Variants in SLC4A1AP observed in about 807,000 individuals in gnomAD.
SLC4A1AP encodes the protein solute carrier family 4 member 1 adaptor protein, also known as kanadaptin.
In SLC4A1AP, 64 loss-of-function variants were observed where a neutral mutation model predicts 89.7. The ratio of observed to expected loss-of-function variants is 0.71; its 90% confidence interval spans 0.58 to 0.88. SLC4A1AP has a LOEUF of 0.88. Ranked by LOEUF, SLC4A1AP falls within the 40% of genes least tolerant of loss-of-function variation. The probability of loss-of-function intolerance (pLI) is 0.00; values close to 1 mark genes in which losing one functional copy is unlikely to be tolerated. For missense variants in SLC4A1AP, 931 were observed against 965.0 expected, an observed-to-expected ratio of 0.96 and a Z score of 0.47; for synonymous variants, 366 against 353.3, an observed-to-expected ratio of 1.04 and a Z score of -0.40.
exon 2 of SLC4A1AP, chr2:27,665,232 A>T (rs761222290): frequency 3.5e-5 from 57 of 1,613,194 alleles, no homozygotes; most frequent in Non-Finnish European, 4.7e-5. Context: ...GGAAATGGAT[A>T]CCTCTGAAAG....
intron 9 of SLC4A1AP, 67 bp downstream of exon 9, chr2:27,682,426 T>A: frequency 1.0e-6 from 1 of 995,808 alleles, no homozygotes; most frequent in Non-Finnish European, 1.5e-6. Flanking sequence ...TTTTCTCTTT[T>A]CTTTTTTGAA....
At chr2:27,693,714 T>C in exon 13 of SLC4A1AP, 1 of 1,611,966 alleles carries the variant, frequency 6.2e-7, no homozygotes, top group South Asian at 1.1e-5. Flanking sequence ...CCAAATATCC[T>C]GAAGATGACC....
chr2:27,689,742 A>G (rs575292305), intron 12 of SLC4A1AP, among the ~76,000 whole-genome samples: 1 of 152,332 alleles, frequency 6.6e-6, no homozygotes, highest in East Asian at 1.9e-4. Flanking sequence ...TTTAGGCACA[A>G]TGAGCCATTC....
chr2:27,686,230 G>A (rs1330359642), intron 10 of SLC4A1AP, among the ~76,000 whole-genome samples: 4 of 152,144 alleles, frequency 2.6e-5, no homozygotes. Context: ...ATTTGTCTGG[G>A]AAACAGAAAA....
chr2:27,680,626 CA>C (rs2148136765), intron 8 of SLC4A1AP, among the ~76,000 whole-genome samples: 1 of 151,904 alleles, frequency 6.6e-6, no homozygotes, highest in African/African-American at 2.4e-5. Context: ...CCTGTCTCTA[CA>C]AAAGATAAAA....
At chr2:27,670,584 C>T (rs1295535464) in intron 5 of SLC4A1AP, among the ~76,000 whole-genome samples, 2 of 151,776 alleles carry the variant, frequency 1.3e-5, no homozygotes, top group Admixed American at 6.6e-5. Flanking sequence ...TGGCCGGGCG[C>T]GGTTGCTCAC....
At chr2:27,682,560 C>CT (rs1225557753) in intron 9 of SLC4A1AP, among the ~76,000 whole-genome samples, 1 of 146,628 alleles carries the variant, frequency 6.8e-6, no homozygotes, top group Non-Finnish European at 1.5e-5. Flanking sequence ...GAGTCTCACT[C>CT]TGTCACCAGG....
intron 3 of SLC4A1AP, chr2:27,668,635 A>T (rs760574176): frequency 7.2e-6 from 5 of 689,760 alleles, no homozygotes. Flanking sequence ...TTTTTTGTAC[A>T]GATGGGGTTT....
intron 5 of SLC4A1AP, among the ~76,000 whole-genome samples, chr2:27,672,033 A>G (rs1468695081): frequency 1.3e-5 from 2 of 152,230 alleles, no homozygotes; most frequent in East Asian, 1.9e-4. Context: ...TCAGATTTTG[A>G]TCCTATTGTA....
chr2:27,694,247 C>T (rs1287340888), intron 13 of SLC4A1AP, among the ~76,000 whole-genome samples: 2 of 152,006 alleles, frequency 1.3e-5, no homozygotes, highest in Non-Finnish European at 2.9e-5. Flanking sequence ...AAAAGTTAAC[C>T]TGCTGGATCA....
chr2:27,672,715 A>G (rs1349832591), intron 5 of SLC4A1AP, among the ~76,000 whole-genome samples: 1 of 152,136 alleles, frequency 6.6e-6, no homozygotes, highest in African/African-American at 2.4e-5. Context: ...TCTGCATGGA[A>G]TATATAGGTG....
At chr2:27,664,681 G>A (rs933553719) in intron 1 of SLC4A1AP, 104 bp downstream of exon 1, 4 of 843,664 alleles carry the variant, frequency 4.7e-6, no homozygotes, top group Non-Finnish European at 7.5e-6. Context: ...CAGCGATTAC[G>A]AAAGTGAAGG....
At chr2:27,688,596 G>A (rs1401539453) in intron 11 of SLC4A1AP, 104 bp from the exon 12 acceptor site, 4 of 740,076 alleles carry the variant, frequency 5.4e-6, no homozygotes, top group African/African-American at 1.8e-5. Flanking sequence ...ATTGTCATGA[G>A]CATCTTTTCT....
chr2:27,666,934 C>T (rs1252375543), intron 2 of SLC4A1AP, among the ~76,000 whole-genome samples: 2 of 150,884 alleles, frequency 1.3e-5, no homozygotes, highest in East Asian at 3.9e-4. Flanking sequence ...GTAGCGCGAT[C>T]TTGGCTCACT....
At chr2:27,678,511 T>C (rs903816596) in intron 8 of SLC4A1AP, among the ~76,000 whole-genome samples, 6 of 151,468 alleles carry the variant, frequency 4.0e-5, no homozygotes, top group African/African-American at 1.2e-4. Context: ...CCAGCATGGG[T>C]GACAGAGGAA....
intron 12 of SLC4A1AP, among the ~76,000 whole-genome samples, chr2:27,690,658 TG>T (rs769952644): frequency 2.6e-5 from 4 of 152,090 alleles, no homozygotes; most frequent in Non-Finnish European, 5.9e-5. Flanking sequence ...AGCTAATTTT[TG>T]TGGGTTTTTT....
chr2:27,688,092 G>GGTCAGCTGC, intron 11 of SLC4A1AP, 72 bp downstream of exon 11: 2 of 1,247,934 alleles, frequency 1.6e-6, no homozygotes, highest in Non-Finnish European at 2.3e-6. Flanking sequence ...GGAGGGGCTG[G>GGTCAGCTGC]CAGCTGACCT....
At chr2:27,669,414 T>G (rs1243458127) in intron 5 of SLC4A1AP, 27 bp downstream of exon 5, 13 of 1,450,090 alleles carry the variant, frequency 9.0e-6, no homozygotes, top group Non-Finnish European at 1.0e-5. Context: ...CCTTTTTTTC[T>G]AGATTTAAAA....
At position 27,687,945 on chromosome 2, in the gene SLC4A1AP, C is replaced by T. The variant is rs1675729878; in HGVS notation, c.2128C>T (p.Gln710Ter). Residue 710 changes from glutamine to a stop codon, truncating the protein, a stop_gained, in exon 11 of 14, where the codon CAA becomes TAA. Coordinates refer to ENST00000613058, the Ensembl canonical transcript of SLC4A1AP. LOFTEE classifies it high-confidence loss of function. ...ATTGCTTTTTATAGAAAACATGTCT[C>T]AACTTAGCGAGGAAGAACAGAATAA... is the stretch of plus-strand genomic sequence containing the variant. 6.2e-7 allele frequency: 1 copy of T among 1,612,702 alleles called. No homozygotes were observed. Among genetic ancestry groups the T allele is most frequent in the Non-Finnish European group, 8.5e-7 (1 of 1,178,952 alleles).
Sources: gnomAD v4.1 joint callset for allele counts (sites outside exome capture counted in the v4.1 genomes callset) on GRCh38, gnomAD v4.1.1 for gene constraint, MANE v1.5 for transcripts, NCBI Gene and HGNC (gene_info 2026-07-23, HGNC 2026-07-21) for gene names.